EYS: variants seen among roughly 807,000 people sequenced by gnomAD.
The protein encoded by EYS is protein eyes shut homolog.
In EYS, 250 loss-of-function variants were observed where a neutral mutation model predicts 282.1. That is an observed-to-expected ratio of 0.89 (90% CI 0.80 to 0.98). The LOEUF is 0.98. Ranked by LOEUF, EYS falls within the 50% of genes least tolerant of loss-of-function variation. EYS has a pLI of 0.00. For synonymous variants in EYS, 1,355 were observed against 1,282.9 expected (o/e 1.06, Z -1.20); for missense variants, 4,016 against 3,709.0 (o/e 1.08, Z -2.15).
intron 13 of EYS, among the ~76,000 whole-genome samples, chr6:65,011,719 T>G (rs981814368): frequency 2.0e-5 from 3 of 152,186 alleles, no homozygotes; most frequent in African/African-American, 7.2e-5. Context: ...CGCTTCCACC[T>G]TTAAACAAGA....
intron 30 of EYS, among the ~76,000 whole-genome samples, chr6:64,295,038 G>A (rs955235043): frequency 6.6e-6 from 1 of 151,822 alleles, no homozygotes; most frequent in African/African-American, 2.4e-5. Context: ...ATTCAGCTAT[G>A]GTTATGCATT....
At chr6:63,978,101 C>A (rs1766926213) in intron 35 of EYS, among the ~76,000 whole-genome samples, 1 of 151,944 alleles carries the variant, frequency 6.6e-6, no homozygotes, top group South Asian at 2.1e-4. Context: ...TGTACACCAT[C>A]AATGACAGAA....
At chr6:65,284,254 C>G (rs1366285237) in intron 12 of EYS, among the ~76,000 whole-genome samples, 1 of 151,988 alleles carries the variant, frequency 6.6e-6, no homozygotes, top group Non-Finnish European at 1.5e-5. Context: ...GAAGTCTGGC[C>G]AAATTTTGTG....
chr6:65,523,550 GC>G (rs1767449157), intron 2 of EYS, among the ~76,000 whole-genome samples: 1 of 152,066 alleles, frequency 6.6e-6, no homozygotes, highest in South Asian at 2.1e-4. Context: ...GAAATTTTGG[GC>G]AAAAAGCACA....
At chr6:64,533,456 G>T (rs897682311) in intron 26 of EYS, among the ~76,000 whole-genome samples, 2 of 152,030 alleles carry the variant, frequency 1.3e-5, no homozygotes, top group African/African-American at 4.8e-5. Flanking sequence ...AATAAAAGCA[G>T]CAGGGTTGAT....
chr6:65,479,606 G>T (rs1172052702), intron 5 of EYS, among the ~76,000 whole-genome samples: 1 of 152,130 alleles, frequency 6.6e-6, no homozygotes, highest in Admixed American at 6.6e-5. Flanking sequence ...GCCACATGGT[G>T]CTGAACTGTA....
intron 19 of EYS, among the ~76,000 whole-genome samples, chr6:64,862,363 T>C (rs764364434): frequency 1.3e-5 from 2 of 152,212 alleles, no homozygotes; most frequent in Non-Finnish European, 2.9e-5. Flanking sequence ...TCAGTTGTTT[T>C]TCAGCTATTC....
Position 64,626,259 on chromosome 6 carries a change from A to C in EYS, c.3444-14T>G. 6.6e-7 allele frequency: 1 copy of C among 1,519,326 alleles called. No homozygotes were observed. The highest frequency in any genetic ancestry group is 8.8e-7 in the Non-Finnish European group (1 of 1,138,156). The allele number at this position is 1,519,326 out of a possible 1,614,324, so 94.1% of individuals were successfully genotyped here. On this transcript the variant is annotated splice_polypyrimidine_tract_variant and intron_variant, in intron 22 of 42. Transcript: ENST00000503581. ...CCAGGAAGACATCTAAGGAAAAAAA[A>C]TGAAAACGATATTTGTATATATTAT...
chr6:63,835,067 G>A (rs76592568), intron 36 of EYS, among the ~76,000 whole-genome samples: 1 of 87,120 alleles, frequency 1.1e-5, no homozygotes, highest in African/African-American at 4.7e-5. Flanking sequence ...TGGGGGGAGG[G>A]GGGAGGGTTA....
In EYS at chr6:64,091,572, C is replaced by T. The variant is rs1313822231; in HGVS notation, c.6425-9570G>A. On this transcript the variant is annotated intron_variant, in intron 31 of 42. Coordinates refer to ENST00000503581, the MANE Select transcript of EYS (RefSeq NM_001142800.2). Reference sequence around the variant, plus strand: ...ATGTGAAGCTACAATTAAGCTGCTGCGTGCTATGACCCAGGCCTCTACGTT... The same window carrying T: ...ATGTGAAGCTACAATTAAGCTGCTGTGTGCTATGACCCAGGCCTCTACGTT... Among the ~76,000 whole-genome samples, 13 of 152,140 alleles carry T rather than the reference C, an allele frequency of 8.5e-5. No homozygotes were observed. In the South Asian group the frequency reaches 1.2e-3, roughly 15 times the overall value.
chr6:63,804,135 G>C (rs1231234983), intron 37 of EYS, among the ~76,000 whole-genome samples: 1 of 152,084 alleles, frequency 6.6e-6, no homozygotes, highest in Non-Finnish European at 1.5e-5. Context: ...TCATGCCTCA[G>C]CCTCCCAAGT....
chr6:64,867,983 T>G (rs902148173), intron 19 of EYS, among the ~76,000 whole-genome samples: 9 of 151,564 alleles, frequency 5.9e-5, no homozygotes, highest in African/African-American at 2.2e-4. Context: ...TGTGGATAAT[T>G]AAAACCCTTG....
intron 26 of EYS, among the ~76,000 whole-genome samples, chr6:64,566,927 C>T (rs148648396): frequency 5.7e-4 from 87 of 152,236 alleles, no homozygotes; most frequent in African/African-American, 2.0e-3. Flanking sequence ...GTGTCCACCA[C>T]CATGCCCAGC....
chr6:64,367,620 A>AT (rs1157514434), intron 29 of EYS, among the ~76,000 whole-genome samples: 1 of 151,426 alleles, frequency 6.6e-6, no homozygotes, highest in Non-Finnish European at 1.5e-5. Flanking sequence ...GAAAAAAAAA[A>AT]AATTATGGCT....
At chr6:64,335,818 T>C (rs958865175) in intron 29 of EYS, among the ~76,000 whole-genome samples, 4 of 152,104 alleles carry the variant, frequency 2.6e-5, no homozygotes, top group African/African-American at 9.7e-5. Context: ...TGAGGCCCTA[T>C]CTTCAGTTTC....
chr6:64,323,955 T>A (rs775065148), intron 29 of EYS, among the ~76,000 whole-genome samples: 25 of 152,148 alleles, frequency 1.6e-4, no homozygotes, highest in Non-Finnish European at 3.1e-4. Context: ...GAATGTGGGA[T>A]CATCTAAGTT....
At chr6:65,429,640 T>C (rs1004537654) in intron 5 of EYS, among the ~76,000 whole-genome samples, 7 of 152,088 alleles carry the variant, frequency 4.6e-5, no homozygotes, top group African/African-American at 1.4e-4. Flanking sequence ...GATTACACAC[T>C]ATAAACAAAG....
At chr6:65,027,872 C>T (rs1028077892) in intron 13 of EYS, among the ~76,000 whole-genome samples, 2 of 152,008 alleles carry the variant, frequency 1.3e-5, no homozygotes, top group African/African-American at 2.4e-5. Flanking sequence ...TATAAATGTA[C>T]CCTATAAACA....
chr6:64,807,671 C>T (rs1764473255), intron 22 of EYS, among the ~76,000 whole-genome samples: 1 of 151,872 alleles, frequency 6.6e-6, no homozygotes, highest in African/African-American at 2.4e-5. Context: ...GTTTGGATTG[C>T]CTAAAACATA....
Sources: gnomAD v4.1 joint callset for allele counts (sites outside exome capture counted in the v4.1 genomes callset) on GRCh38, gnomAD v4.1.1 for gene constraint, MANE v1.5 for transcripts, NCBI Gene and HGNC (gene_info 2026-07-23, HGNC 2026-07-21) for gene names.